UNC13C: variants seen among roughly 807,000 people sequenced by gnomAD.
The protein encoded by UNC13C is unc-13 homolog C, also known as protein unc-13 homolog C.
In UNC13C, 174 loss-of-function variants were observed where a neutral mutation model predicts 245.4. The observed-to-expected ratio is 0.71, with a 90% CI of 0.63 to 0.80. The LOEUF is 0.80. Among genes scored for constraint, UNC13C ranks in the 30% least tolerant of loss-of-function variants. UNC13C has a pLI of 0.00. For synonymous variants in UNC13C, 992 were observed against 895.1 expected, an observed-to-expected ratio of 1.11 and a Z score of -1.93; for missense variants, 2,829 against 2,602.9, an observed-to-expected ratio of 1.09 and a Z score of -1.89.
intron 18 of UNC13C, among the ~76,000 whole-genome samples, chr15:54,397,722 C>T (rs2040099259): frequency 4.6e-5 from 7 of 151,212 alleles, no homozygotes; most frequent in Admixed American, 4.6e-4. Context: ...GTTACATATT[C>T]TTTGTTAATT....
chr15:54,631,099 C>A (rs1307501949), downstream of UNC13C: 1 of 152,124 alleles, frequency 6.6e-6, no homozygotes, highest in African/African-American at 2.4e-5. Flanking sequence ...AATCCCAGCA[C>A]ACTGAGAGGC....
chr15:53,859,280 CT>C, the UNC13C span, among the ~76,000 whole-genome samples: 2,617 of 152,078 alleles, frequency 0.017, 53 homozygotes, highest in East Asian at 0.08. Flanking sequence ...TGAATTGATT[CT>C]TTTCAAACTT....
At chr15:54,056,515 A>G (rs879488314) in intron 2 of UNC13C, among the ~76,000 whole-genome samples, 1 of 152,234 alleles carries the variant, frequency 6.6e-6, no homozygotes, top group Non-Finnish European at 1.5e-5. Context: ...GGGAGAATGG[A>G]ACCAAGTTGG....
intron 19 of UNC13C, among the ~76,000 whole-genome samples, chr15:54,418,889 G>T (rs1187267947): frequency 6.6e-6 from 1 of 152,098 alleles, no homozygotes; most frequent in Admixed American, 6.6e-5. Context: ...TGGAAGCACA[G>T]TTCCTCTTTC....
chr15:54,123,335 AT>A (rs1480657871), intron 2 of UNC13C, among the ~76,000 whole-genome samples: 9 of 151,624 alleles, frequency 5.9e-5, no homozygotes, highest in African/African-American at 2.2e-4. Flanking sequence ...GATGTAATGA[AT>A]ATCTATGTGT....
intron 8 of UNC13C, among the ~76,000 whole-genome samples, chr15:54,253,715 G>A (rs2036211119): frequency 1.3e-5 from 2 of 152,154 alleles, no homozygotes; most frequent in African/African-American, 4.8e-5. Flanking sequence ...CCTCAGTGGT[G>A]GTTTTAAACT....
At chr15:54,593,359 T>C (rs1898904602) in intron 30 of UNC13C, among the ~76,000 whole-genome samples, 1 of 152,218 alleles carries the variant, frequency 6.6e-6, no homozygotes, top group Non-Finnish European at 1.5e-5. Context: ...TCCAGGTTTC[T>C]ATCAAGGCCA....
intron 18 of UNC13C, 95 bp from the exon 19 acceptor site, chr15:54,414,887 G>T: frequency 1.5e-6 from 1 of 664,264 alleles, no homozygotes. Context: ...TATGAACTAT[G>T]TAATAACTAC....
chr15:53,988,789 C>T (rs1353776871), intron 1 of UNC13C, among the ~76,000 whole-genome samples: 1 of 152,008 alleles, frequency 6.6e-6, no homozygotes, highest in Non-Finnish European at 1.5e-5. Flanking sequence ...TTTCCAAACA[C>T]TCTGTTCATT....
At position 53,986,133 on chromosome 15, in the gene UNC13C, G is replaced by A. The variant is rs189194005; in HGVS notation, c.-257+7206G>A. Reference sequence around the variant, plus strand: ...TCTATCTACTTCAAGACAGGAGGCAGTGTGCCTCATTATAGACAAGTACAC... The same window carrying A: ...TCTATCTACTTCAAGACAGGAGGCAATGTGCCTCATTATAGACAAGTACAC... On this transcript the variant is annotated intron_variant, in intron 1 of 32. Transcript: ENST00000260323. 3.3e-3 allele frequency among the ~76,000 whole-genome samples: 505 copies of A among 152,170 alleles called. 1 individual carries two copies. The highest frequency in any genetic ancestry group is 0.012 in the African/African-American group (483 of 41,544).
At chr15:53,919,661 A>G in the UNC13C span, among the ~76,000 whole-genome samples, 8 of 152,192 alleles carry the variant, frequency 5.3e-5, no homozygotes, top group South Asian at 2.1e-4. Flanking sequence ...GTATTTAGGT[A>G]TATTCAATAG....
At chr15:54,233,974 T>C (rs1396985461) in intron 4 of UNC13C, among the ~76,000 whole-genome samples, 1 of 152,174 alleles carries the variant, frequency 6.6e-6, no homozygotes, top group African/African-American at 2.4e-5. Context: ...CTGGATTTAA[T>C]GCAATAAAAA....
intron 1 of UNC13C, among the ~76,000 whole-genome samples, chr15:53,987,965 C>T (rs1894219709): frequency 6.6e-6 from 1 of 151,976 alleles, no homozygotes; most frequent in East Asian, 1.9e-4. Context: ...AAATGAAGTT[C>T]AGTTTCAGAC....
rs919299307 is a variant in UNC13C at position 54,195,594 on chromosome 15, A to G, written c.3072-39436A>G. Among the ~76,000 whole-genome samples the G allele has an allele frequency of 7.2e-5, 11 of 152,232 alleles. No homozygotes were observed. In the South Asian group the frequency reaches 1.0e-3, roughly 14 times the overall value. ...TCATGAAGTTCCCAGGTACAAGGTA[A>G]GCCACGCTTTATATAACCTAAACTT... On this transcript the variant is annotated intron_variant, in intron 4 of 32. Coordinates refer to ENST00000260323, the MANE Select transcript of UNC13C (RefSeq NM_001080534.3).
chr15:54,010,997 G>A (rs2140987988), intron 1 of UNC13C, among the ~76,000 whole-genome samples: 1 of 152,292 alleles, frequency 6.6e-6, no homozygotes, highest in South Asian at 2.1e-4. Flanking sequence ...GATAAAGAGT[G>A]GCTAGGAGAG....
At chr15:54,426,719 T>C (rs764823028) in intron 19 of UNC13C, among the ~76,000 whole-genome samples, 12 of 151,758 alleles carry the variant, frequency 7.9e-5, no homozygotes, top group Non-Finnish European at 1.6e-4. Flanking sequence ...ACATTGGCTT[T>C]AGTCAGACAG....
chr15:54,597,028 C>T (rs185608003), intron 30 of UNC13C, among the ~76,000 whole-genome samples: 57 of 152,250 alleles, frequency 3.7e-4, no homozygotes, highest in Admixed American at 8.5e-4. Flanking sequence ...AGAGCTGTTC[C>T]CAATCTTTTT....
At chr15:54,099,542 A>G (rs1446954455) in intron 2 of UNC13C, among the ~76,000 whole-genome samples, 1 of 152,016 alleles carries the variant, frequency 6.6e-6, no homozygotes, top group African/African-American at 2.4e-5. Context: ...CTCACCATTC[A>G]TGTTCACATT....
At chr15:54,599,379 T>G (rs1026280348) in intron 30 of UNC13C, among the ~76,000 whole-genome samples, 17 of 152,156 alleles carry the variant, frequency 1.1e-4, no homozygotes, top group Admixed American at 1.1e-3. Context: ...TTGATGCCTT[T>G]TTGCTTTCTT....
Sources: gnomAD v4.1 joint callset for allele counts (sites outside exome capture counted in the v4.1 genomes callset) on GRCh38, gnomAD v4.1.1 for gene constraint, MANE v1.5 for transcripts, NCBI Gene and HGNC (gene_info 2026-07-23, HGNC 2026-07-21) for gene names.